Variants in COMP observed in about 807,000 individuals in gnomAD.
COMP encodes the protein cartilage oligomeric matrix protein (pseudoachondroplasia, epiphyseal dysplasia 1, multiple).
COMP carries 79 observed loss-of-function variants against 95.8 expected under a neutral mutation model. The observed-to-expected ratio is 0.82, with a 90% CI of 0.69 to 0.99. The LOEUF (loss-of-function observed/expected upper bound fraction) is 0.99. COMP is among the 50% of genes least tolerant of loss of function. The pLI is 0.00. For synonymous variants in COMP, 438 were observed against 433.9 expected (o/e 1.01, Z -0.12); for missense variants, 906 against 1,076.1 (o/e 0.84, Z 2.21).
rs745847644 is a variant in COMP at position 18,790,830 on chromosome 19, C to T, written c.165+20G>A. ...CCTTCCGTTCCCTGGCACTCCCTGC[C>T]CCGCACCCGGGCCCCGCACCTGCTG... On this transcript the variant is annotated intron_variant, in intron 2 of 18. Transcript: ENST00000222271. The T allele has an allele frequency of 6.8e-5, 106 of 1,554,208 alleles. No homozygotes were observed. The highest frequency in any genetic ancestry group is 8.8e-5 in the Non-Finnish European group (101 of 1,152,902).
Position 18,790,036 on chromosome 19 carries a change from C to T in COMP, c.296G>A (p.Gly99Asp). Residue 99 changes from glycine (G) to aspartate (D), a missense_variant, in exon 4 of 19, where the codon GGC becomes GAC. Gly to Asp is a moderately conservative substitution (Grantham distance 94, BLOSUM62 -1). Transcript: ENST00000222271. ...GCTCTCCGTCTGGATGCAGGCCACGCCGGGGAAGCAGAAGCCGGGCGCGCA... is the reference window on the plus strand; with the variant it reads ...GCTCTCCGTCTGGATGCAGGCCACGTCGGGGAAGCAGAAGCCGGGCGCGCA... ...LHCAPGFCFP[G>D]VACIQTESGA... The T allele has an allele frequency of 6.4e-7, 1 of 1,573,022 alleles. No individual in the cohort carries two copies. The highest frequency in any genetic ancestry group is 8.6e-7 in the Non-Finnish European group (1 of 1,165,720).
rs1344455068 is a variant in COMP, at chr19:18,788,809, G to T, written c.603+30C>A. ...GCCCGCCGCTCGCCCCACCTCCCGCGATCCTTTCTTCCTCCCCAGCGGGCC... is the reference window on the plus strand; with the variant it reads ...GCCCGCCGCTCGCCCCACCTCCCGCTATCCTTTCTTCCTCCCCAGCGGGCC... On this transcript the variant is annotated intron_variant, in intron 6 of 18. Transcript: ENST00000222271. This position sits in a 1 kb window ranked among gnomAD's most constrained non-coding sequence, Gnocchi z 4.7. 1 of 1,612,446 alleles carries T rather than the reference G, an allele frequency of 6.2e-7. No individual in the cohort carries two copies. Among genetic ancestry groups the T allele is most frequent in the Non-Finnish European group, 8.5e-7 (1 of 1,179,524 alleles).
chr19:18,784,247 C>T lies in COMP; in HGVS notation c.2031G>A (p.Lys677=). The T allele has an allele frequency of 3.7e-6, 6 of 1,614,106 alleles. No homozygotes were observed. The highest frequency in any genetic ancestry group is 2.2e-5 in the East Asian group (1 of 44,886). The change falls in exon 17 of 19, where the codon AAG becomes AAA. Residue 677 remains lysine, a synonymous_variant. Coordinates refer to ENST00000222271, the MANE Select transcript of COMP (RefSeq NM_000095.3). This position sits in a 1 kb window ranked among gnomAD's most constrained non-coding sequence, Gnocchi z 4.9. ...LWKDPRNVGW[K]DKKSYRWFLQ... ...GGAACCAACGATAGGACTTCTTGTCCTTCCAACCCACGTTTCGCGGGTCCT... is the reference window on the plus strand; with the variant it reads ...GGAACCAACGATAGGACTTCTTGTCTTTCCAACCCACGTTTCGCGGGTCCT...
intron 11 of COMP, 71 bp downstream of exon 11, chr19:18,786,461 C>A: frequency 6.5e-7 from 1 of 1,536,602 alleles, no homozygotes; most frequent in Non-Finnish European, 9.0e-7. Context: ...CTAAGCTGGG[C>A]TGTGGGCTGG....
At position 18,788,621 on chromosome 19, in the gene COMP, G is replaced by T; in HGVS notation, c.733C>A (p.Leu245Ile). The change falls in exon 7 of 19, where the codon CTA (leucine) becomes ATA (isoleucine). Residue 245 changes from leucine (L) to isoleucine (I), a missense_variant. Transcript: ENST00000222271. The surrounding 1 kb of genome is among the most constrained non-coding windows in gnomAD (Gnocchi z 4.7). ...SECHEHADCVLERDGSRSCVC... is the reference protein window; with the variant it reads ...SECHEHADCVIERDGSRSCVC... ...CACGACCGCGAGCCATCGCGCTCTA[G>T]GACGCAGTCTGCATGCTCGTGGCAC... 6.5e-7 allele frequency: 1 copy of T among 1,549,594 alleles called. No homozygotes were observed.
Position 18,788,982 on chromosome 19 carries a change from T to G in COMP, c.529-69A>C. ...TCCGGACCTCCCACCTCCTCCACAC[T>G]TCCTCCGCATCCTGCCTCTCCCCTC... is the stretch of plus-strand genomic sequence containing the variant. On this transcript the variant is annotated intron_variant, in intron 5 of 18. Coordinates refer to ENST00000222271, the MANE Select transcript of COMP (RefSeq NM_000095.3). This position sits in a 1 kb window ranked among gnomAD's most constrained non-coding sequence, Gnocchi z 4.7. 1 of 1,570,594 alleles carries G rather than the reference T, an allele frequency of 6.4e-7. No individual in the cohort carries two copies. The highest frequency in any genetic ancestry group is 8.7e-7 in the Non-Finnish European group (1 of 1,150,988).
Position 18,784,854 on chromosome 19 carries a change from G to T in COMP, c.1914+42C>A. The T allele has an allele frequency of 6.2e-7, 1 of 1,603,364 alleles. No individual in the cohort carries two copies. The highest frequency in any genetic ancestry group is 1.1e-5 in the South Asian group (1 of 90,862). ...AGGGTTTTACGGAGGGTCATGGGAG[G>T]GCATGAGGACCGCAGAGGTCAGGCA... is the stretch of plus-strand genomic sequence containing the variant. On this transcript the variant is annotated intron_variant, in intron 16 of 18. Coordinates refer to ENST00000222271, the MANE Select transcript of COMP (RefSeq NM_000095.3). The surrounding 1 kb of genome is among the most constrained non-coding windows in gnomAD (Gnocchi z 4.9).
rs1191813797 is a variant in COMP, at chr19:18,789,749, C to G, written c.390+193G>C. On this transcript the variant is annotated intron_variant, in intron 4 of 18. Coordinates refer to ENST00000222271, the MANE Select transcript of COMP (RefSeq NM_000095.3). This position sits in a 1 kb window ranked among gnomAD's most constrained non-coding sequence, Gnocchi z 6.1. ...TAGGGGGTTGTGGGGGCGGGCGTCCCGGGTGGTGACGGGGATGGTCCTTGG... is the reference window on the plus strand; with the variant it reads ...TAGGGGGTTGTGGGGGCGGGCGTCCGGGGTGGTGACGGGGATGGTCCTTGG... Among the ~76,000 whole-genome samples the G allele has an allele frequency of 6.6e-6, 1 of 151,314 alleles. No individual in the cohort carries two copies. The highest frequency in any genetic ancestry group is 2.0e-4 in the East Asian group (1 of 5,108).
chr19:18,785,569 G>A (rs199591164), intron 14 of COMP, 23 bp from the exon 15 acceptor site: 1 of 1,613,946 alleles, frequency 6.2e-7, no homozygotes, highest in Non-Finnish European at 8.5e-7. Context: ...AAGAAAGGAG[G>A]GCCTCAGGCT....
intron 3 of COMP, 60 bp from the exon 4 acceptor site, chr19:18,790,174 C>G: frequency 7.6e-7 from 1 of 1,311,800 alleles, no homozygotes; most frequent in Non-Finnish European, 1.0e-6. Context: ...GGGGGCAGAG[C>G]CTATCATGGC....
rs1326188908 is a variant in COMP, at chr19:18,782,899, G to C, written c.*16C>G. The C allele has an allele frequency of 6.2e-7, 1 of 1,610,352 alleles. No homozygotes were observed. Among genetic ancestry groups the C allele is most frequent in the East Asian group, 2.2e-5 (1 of 44,872 alleles). On this transcript the variant is annotated 3_prime_UTR_variant, in exon 19 of 19. Coordinates refer to ENST00000222271, the MANE Select transcript of COMP (RefSeq NM_000095.3). Reference sequence around the variant, plus strand: ...GGTGAGGGTGGCTGTCATCCGGCGGGTCCTCACCCTGGTCCCTAGGCTTGC... The same window carrying C: ...GGTGAGGGTGGCTGTCATCCGGCGGCTCCTCACCCTGGTCCCTAGGCTTGC...
At chr19:18,791,093 A>T in intron 1 of COMP, 98 bp downstream of exon 1, 1 of 1,510,276 alleles carries the variant, frequency 6.6e-7, no homozygotes, top group Non-Finnish European at 8.9e-7. Context: ...CCCTACGAAC[A>T]GTCCGTGAGC....
Position 18,784,932 on chromosome 19 carries a change from G to T in COMP, c.1878C>A (p.Pro626=). Residue 626 remains proline (P), a synonymous_variant, in exon 16 of 19, where the codon CCC becomes CCA. Transcript: ENST00000222271. The surrounding 1 kb of genome is among the most constrained non-coding windows in gnomAD (Gnocchi z 4.9). Reference sequence around the variant, plus strand: ...TGCCAGGCTCGGCCACAGCACGGAAGGGGTTCGCCTGCCAATACGTTTGCT... The same window carrying T: ...TGCCAGGCTCGGCCACAGCACGGAATGGGTTCGCCTGCCAATACGTTTGCT... ...QMEQTYWQAN[P]FRAVAEPGIQ... is the part of the protein sequence containing the mutation. The T allele has an allele frequency of 6.2e-7, 1 of 1,613,952 alleles. No homozygotes were observed. The highest frequency in any genetic ancestry group is 8.5e-7 in the Non-Finnish European group (1 of 1,179,956).
chr19:18,788,267 C>A lies in COMP; in HGVS notation c.920G>T (p.Gly307Val). The change falls in exon 9 of 19, where the codon GGC (glycine) becomes GTC (valine). Residue 307 changes from glycine (G) to valine (V), a missense_variant. Transcript: ENST00000222271. The surrounding 1 kb of genome is among the most constrained non-coding windows in gnomAD (Gnocchi z 4.7). ...ATCCGGATCGCAGGCGTCTCCGATG[C>A]CATCGCGGTCCACATCCTCCTGCCC... is the stretch of plus-strand genomic sequence containing the variant. ...NSGQEDVDRD[G>V]IGDACDPDAD... 6.2e-7 allele frequency: 1 copy of A among 1,613,192 alleles called. No homozygotes were observed.
At chr19:18,785,601 C>T (rs1601053038) in intron 14 of COMP, 55 bp from the exon 15 acceptor site, 4 of 1,613,756 alleles carry the variant, frequency 2.5e-6, no homozygotes, top group Non-Finnish European at 3.4e-6. Context: ...CCCTAGGCAC[C>T]CTGTCCTCAG....
rs2055198183 is a variant in COMP, at chr19:18,789,843, G to A, written c.390+99C>T. On this transcript the variant is annotated intron_variant, in intron 4 of 18. Transcript: ENST00000222271. The surrounding 1 kb of genome is among the most constrained non-coding windows in gnomAD (Gnocchi z 6.1). ...CCCCGGAGGTGAGAGGCTCTTCGGG[G>A]CGAACACTCCCAGTGGAGGAAGGGG... The A allele has an allele frequency of 7.0e-7, 1 of 1,429,552 alleles. No individual in the cohort carries two copies. Among genetic ancestry groups the A allele is most frequent in the Non-Finnish European group, 9.6e-7 (1 of 1,045,746 alleles). The allele number at this position is 1,429,552 out of a possible 1,614,324, so 88.6% of individuals were successfully genotyped here.
intron 1 of COMP, 79 bp downstream of exon 1, chr19:18,791,112 G>T: frequency 1.3e-6 from 2 of 1,526,184 alleles, no homozygotes; most frequent in Non-Finnish European, 8.9e-7. Flanking sequence ...GCCCCAAACA[G>T]CCTGGATCCC....
chr19:18,785,983 CG>C lies in COMP; in HGVS notation c.1470del (p.Gly491AlafsTer24). 8 of 1,612,264 alleles carry C rather than the reference CG, an allele frequency of 5.0e-6. No individual in the cohort carries two copies. Among genetic ancestry groups the C allele is most frequent in the Non-Finnish European group, 6.8e-6 (8 of 1,179,770 alleles). ...GCCGTACTGTCCGCGTCCTCCTGGC[CG>C]GGGTTAGGCACCAGGCGGCAGTTGT... is the stretch of plus-strand genomic sequence containing the variant. The part of the protein sequence containing the change: ...SRDNCRLVPN[P>X]GQEDADRDGV... On this transcript the variant is annotated frameshift_variant, in exon 13 of 19. Coordinates refer to ENST00000222271, the MANE Select transcript of COMP (RefSeq NM_000095.3). LOFTEE classifies it high-confidence loss of function.
Position 18,790,056 on chromosome 19 carries a change from C to A in COMP, c.276G>T (p.Ala92=). ...CCACGCCGGGGAAGCAGAAGCCGGG[C>A]GCGCAGTGGAGCAGGGGCCGCACGC... ...LPSVRPLLHC[A]PGFCFPGVAC... is the part of the protein sequence containing the mutation. Residue 92 remains alanine (A), a synonymous_variant, in exon 4 of 19, where the codon GCG becomes GCT. Coordinates refer to ENST00000222271, the MANE Select transcript of COMP (RefSeq NM_000095.3). 1.3e-6 allele frequency: 2 copies of A among 1,557,474 alleles called. No individual in the cohort carries two copies. Among genetic ancestry groups the A allele is most frequent in the Non-Finnish European group, 1.7e-6 (2 of 1,157,038 alleles).
Sources: gnomAD v4.1 joint callset for allele counts (sites outside exome capture counted in the v4.1 genomes callset) on GRCh38, gnomAD v4.1.1 for gene constraint, Gnocchi (gnomAD v3.1) non-coding constraint, MANE v1.5 for transcripts, NCBI Gene and HGNC (gene_info 2026-07-23, HGNC 2026-07-21) for gene names.